Variants in ACYP2 observed in about 807,000 individuals in gnomAD.
ACYP2 encodes acylphosphatase-2.
A neutral mutation model predicts 11.2 loss-of-function variants in ACYP2; 12 were observed. The ratio of observed to expected loss-of-function variants is 1.08; its 90% CI spans 0.69 to 1.74. The LOEUF is 1.74. ACYP2 is among the 40% of genes most tolerant of loss of function. ACYP2 has a pLI of 0.00. For synonymous variants in ACYP2, 43 were observed against 32.2 expected (o/e 1.33, Z -1.13); for missense variants, 134 against 101.9 (o/e 1.31, Z -1.35).
chr2:54,117,633 C>T (rs1379990231), intron 4 of ACYP2, among the ~76,000 whole-genome samples: 1 of 152,098 alleles, frequency 6.6e-6, no homozygotes, highest in Non-Finnish European at 1.5e-5. Flanking sequence ...GTTTATGGAA[C>T]CTCGGTTGGT....
At chr2:54,032,745 C>G (rs1398974625) in intron 2 of ACYP2, among the ~76,000 whole-genome samples, 1 of 152,082 alleles carries the variant, frequency 6.6e-6, no homozygotes, top group East Asian at 1.9e-4. Flanking sequence ...AATAAAATAC[C>G]TAGGAATCCA....
chr2:54,175,960 C>T (rs1683440976), intron 6 of ACYP2, among the ~76,000 whole-genome samples: 1 of 152,048 alleles, frequency 6.6e-6, no homozygotes, highest in Non-Finnish European at 1.5e-5. Flanking sequence ...TATAATAGGC[C>T]TTGGAGAGCT....
chr2:53,979,181 G>T (rs1263275652), intron 2 of ACYP2, among the ~76,000 whole-genome samples: 1 of 152,130 alleles, frequency 6.6e-6, no homozygotes, highest in African/African-American at 2.4e-5. Context: ...AGACCTTCCA[G>T]TGCAACAAGA....
At chr2:54,112,902 T>C (rs1462976146) in intron 4 of ACYP2, among the ~76,000 whole-genome samples, 1 of 152,192 alleles carries the variant, frequency 6.6e-6, no homozygotes, top group Non-Finnish European at 1.5e-5. Context: ...CAAATAAACC[T>C]ACCTAATAAT....
intron 4 of ACYP2, among the ~76,000 whole-genome samples, chr2:54,104,550 G>T (rs1679054249): frequency 1.3e-5 from 2 of 152,274 alleles, no homozygotes; most frequent in Admixed American, 6.5e-5. Flanking sequence ...GCTAGATACA[G>T]AACTCTGGAG....
At chr2:54,254,264 T>C (rs1687375818) in intron 6 of ACYP2, 1 of 152,352 alleles carries the variant, frequency 6.6e-6, no homozygotes. Flanking sequence ...ACAGGAAAGC[T>C]GTGTCCACCA....
intron 2 of ACYP2, among the ~76,000 whole-genome samples, chr2:54,015,430 C>T (rs1437062797): frequency 6.6e-6 from 1 of 152,064 alleles, no homozygotes; most frequent in Admixed American, 6.6e-5. Flanking sequence ...CTCGCTTGAA[C>T]CTGGGAGACA....
intron 4 of ACYP2, among the ~76,000 whole-genome samples, chr2:54,085,936 TGAGTC>T (rs1677923553): frequency 3.9e-5 from 6 of 152,140 alleles, no homozygotes; most frequent in African/African-American, 1.2e-4. Flanking sequence ...AAAGTTTCTT[TGAGTC>T]ACTTTTTATT....
intron 6 of ACYP2, among the ~76,000 whole-genome samples, chr2:54,263,951 C>T (rs1687898187): frequency 6.6e-6 from 1 of 152,160 alleles, no homozygotes; most frequent in South Asian, 2.1e-4. Context: ...TATTTATTGA[C>T]CACCTTTTGT....
intron 6 of ACYP2, among the ~76,000 whole-genome samples, chr2:54,225,143 T>C (rs1444332039): frequency 6.6e-6 from 1 of 152,160 alleles, no homozygotes; most frequent in Non-Finnish European, 1.5e-5. Flanking sequence ...GCCATGTTAG[T>C]TACTAGGGAT....
chr2:54,063,688 C>T (rs1676586378), intron 4 of ACYP2, among the ~76,000 whole-genome samples: 1 of 152,208 alleles, frequency 6.6e-6, no homozygotes, highest in African/African-American at 2.4e-5. Flanking sequence ...TAAAGGATTC[C>T]TGCTGTTGCT....
Position 54,300,942 on chromosome 2 carries a change from A to G in ACYP2, c.405-3746A>G, listed in dbSNP as rs181303454. ...TTCTTGCTTTATTTGTATTTTTAAA[A>G]ATTATGAGTATGAGTGAGAATGTTT... On this transcript the variant is annotated intron_variant, in intron 6 of 6. Transcript: ENST00000607452. Among the ~76,000 whole-genome samples, 3 of 152,346 alleles carry G rather than the reference A, an allele frequency of 2.0e-5. 1 individual carries two copies. The East Asian group carries it at 5.8e-4, about 29-fold the overall frequency.
chr2:54,009,540 C>T (rs181411278), intron 2 of ACYP2, among the ~76,000 whole-genome samples: 8 of 152,220 alleles, frequency 5.3e-5, no homozygotes, highest in African/African-American at 7.2e-5. Context: ...CATCACTGCA[C>T]GCCAGCCTGG....
chr2:54,016,659 A>T (rs1258909167), intron 2 of ACYP2, among the ~76,000 whole-genome samples: 1 of 152,040 alleles, frequency 6.6e-6, no homozygotes, highest in East Asian at 1.9e-4. Flanking sequence ...TTTATAAACA[A>T]TAGAAATTTA....
chr2:54,209,291 A>T (rs896715083), intron 6 of ACYP2, among the ~76,000 whole-genome samples: 2 of 152,144 alleles, frequency 1.3e-5, no homozygotes, highest in African/African-American at 4.8e-5. Context: ...ATTATTTTAT[A>T]GTTAATAATT....
chr2:54,206,138 GCCTCCTCA>G (rs1305813774), intron 6 of ACYP2, among the ~76,000 whole-genome samples: 9 of 152,146 alleles, frequency 5.9e-5, no homozygotes, highest in African/African-American at 2.2e-4. Context: ...CATGCACACT[GCCTCCTCA>G]CCCTCTTATA....
chr2:54,130,257 G>A (rs892144179), intron 4 of ACYP2, among the ~76,000 whole-genome samples: 3 of 152,200 alleles, frequency 2.0e-5, no homozygotes, highest in Non-Finnish European at 2.9e-5. Context: ...AGCCAGTAAT[G>A]AGAATATCAG....
chr2:54,109,599 G>T (rs1322025209), intron 4 of ACYP2, among the ~76,000 whole-genome samples: 4 of 152,082 alleles, frequency 2.6e-5, no homozygotes, highest in African/African-American at 7.2e-5. Flanking sequence ...TTATATGCCT[G>T]TATACTGAAA....
chr2:54,126,976 ATGC>A (rs2103755575), intron 4 of ACYP2, among the ~76,000 whole-genome samples: 1 of 151,396 alleles, frequency 6.6e-6, no homozygotes, highest in South Asian at 2.1e-4. Context: ...AAAAATTGAC[ATGC>A]AAAAAAGTAT....
Sources: gnomAD v4.1 joint callset for allele counts (sites outside exome capture counted in the v4.1 genomes callset) on GRCh38, gnomAD v4.1.1 for gene constraint, MANE v1.5 for transcripts, NCBI Gene and HGNC (gene_info 2026-07-23, HGNC 2026-07-21) for gene names.